COL24A1: variants seen among roughly 807,000 people sequenced by gnomAD.
COL24A1 encodes collagen alpha-1(XXIV) chain.
A neutral mutation model predicts 253.9 loss-of-function variants in COL24A1; 224 were observed. The ratio of observed to expected loss-of-function variants is 0.88; its 90% confidence interval spans 0.79 to 0.99. The LOEUF (loss-of-function observed/expected upper bound fraction) is 0.99. Ranked by LOEUF, COL24A1 falls within the 50% of genes least tolerant of loss-of-function variation. The pLI is 0.00. For synonymous variants in COL24A1, 685 were observed against 673.7 expected, an observed-to-expected ratio of 1.02 and a Z score of -0.26; for missense variants, 2,131 against 2,068.5, an observed-to-expected ratio of 1.03 and a Z score of -0.59.
At position 86,037,699 on chromosome 1, in the gene COL24A1, T is replaced by C. The variant is rs639814; in HGVS notation, c.1951-3776A>G. On this transcript the variant is annotated intron_variant, in intron 12 of 59. Transcript: ENST00000370571. ...CTCAGTTAAGTAACACCTAGATTCC[T>C]GACCCATGAAAACTGCAAGATAATA... 9.7e-3 allele frequency among the ~76,000 whole-genome samples: 1,474 copies of C among 152,292 alleles called. 36 individuals are homozygous for C. The highest frequency in any genetic ancestry group is 0.033 in the African/African-American group (1,377 of 41,566).
intron 24 of COL24A1, among the ~76,000 whole-genome samples, chr1:85,944,789 C>T (rs898667693): frequency 8.6e-5 from 13 of 151,748 alleles, no homozygotes; most frequent in Non-Finnish European, 1.0e-4. Context: ...TGATGTTCCC[C>T]TTCCTGTGTC....
Position 86,022,563 on chromosome 1 carries a change from C to T in COL24A1, c.2177G>A (p.Gly726Glu). ...CTTGTCTCCAGGATACCCGGGTTCT[C>T]CTAGCTCTCCTGCTGTGCCTTGTTC... ...KGEQGTAGEL[G>E]EPGYPGDKGA... The change falls in exon 17 of 60, where the codon GGA becomes GAA. Residue 726 changes from glycine (G) to glutamate (E), a missense_variant. Gly to Glu is a moderately conservative substitution (Grantham distance 98). Transcript: ENST00000370571. The T allele has an allele frequency of 1.2e-6, 2 of 1,612,862 alleles. No homozygotes were observed. The highest frequency in any genetic ancestry group is 1.7e-6 in the Non-Finnish European group (2 of 1,179,432).
intron 47 of COL24A1, among the ~76,000 whole-genome samples, chr1:85,797,987 G>A (rs927139712): frequency 1.1e-4 from 17 of 152,062 alleles, no homozygotes; most frequent in Non-Finnish European, 5.9e-5. Flanking sequence ...GAGCTCAGGA[G>A]TTCAAGGCTA....
Position 85,971,369 on chromosome 1 carries a change from G to A in COL24A1, c.2389C>T (p.Pro797Ser), listed in dbSNP as rs973613196. ...GTTCCTTTGAGACCAGGAGGTCCAG[G>A]AGGTCCTCTATTTCCAAGGAGTCCC... is the stretch of plus-strand genomic sequence containing the variant. ...PKGLLGNRGP[P>S]GPPGLKGTQG... Residue 797 changes from proline (P) to serine (S), a missense_variant, in exon 21 of 60, where the codon CCT becomes TCT. Physicochemically the swap from Pro to Ser is moderately conservative, Grantham distance 74. Transcript: ENST00000370571. The A allele has an allele frequency of 6.2e-7, 1 of 1,612,644 alleles. No homozygotes were observed. Among genetic ancestry groups the A allele is most frequent in the Non-Finnish European group, 8.5e-7 (1 of 1,179,330 alleles).
chr1:85,799,442 AT>A (rs1671200497), intron 47 of COL24A1, among the ~76,000 whole-genome samples: 1 of 151,176 alleles, frequency 6.6e-6, no homozygotes, highest in Non-Finnish European at 1.5e-5. Flanking sequence ...GGTTGAAAAT[AT>A]TCCAAGGAAC....
intron 53 of COL24A1, among the ~76,000 whole-genome samples, chr1:85,766,194 C>T (rs887895245): frequency 2.6e-5 from 4 of 151,420 alleles, no homozygotes; most frequent in Non-Finnish European, 5.9e-5. Flanking sequence ...GGTGAAATCC[C>T]GTTTCTACAA....
At chr1:85,881,666 T>C (rs1426846319) in intron 32 of COL24A1, among the ~76,000 whole-genome samples, 1 of 152,148 alleles carries the variant, frequency 6.6e-6, no homozygotes, top group Non-Finnish European at 1.5e-5. Context: ...TTGCTCATAA[T>C]ATCCATTTAT....
intron 8 of COL24A1, among the ~76,000 whole-genome samples, chr1:86,061,684 T>C (rs1701104370): frequency 6.6e-6 from 1 of 152,114 alleles, no homozygotes. Context: ...AAACGTATTC[T>C]GAGCCAACCA....
Position 85,805,584 on chromosome 1 carries a change from G to A in COL24A1, c.3951+11204C>T, listed in dbSNP as rs143942783. Among the ~76,000 whole-genome samples, 13 of 152,206 alleles carry A rather than the reference G, an allele frequency of 8.5e-5. No homozygotes were observed. The South Asian group carries it at 1.2e-3, about 15-fold the overall frequency. On this transcript the variant is annotated intron_variant, in intron 47 of 59. Transcript: ENST00000370571. ...TATGGAGTTTTAGACTGCCTTTGTC[G>A]TTATGTGACTGTAGAAATTACTTAA...
At chr1:85,998,775 C>T (rs1207191507) in intron 19 of COL24A1, among the ~76,000 whole-genome samples, 4 of 152,172 alleles carry the variant, frequency 2.6e-5, no homozygotes, top group South Asian at 4.1e-4. Context: ...AAGATTTAGG[C>T]TCCTTAAACT....
rs186316743 is a variant in COL24A1 at position 86,063,635 on chromosome 1, G to A, written c.1752+80C>T. ...CTGAGAAGAAAAATTGAAAAAATGG[G>A]GGAAAATAATCTCTCAAAGGAGTTC... On this transcript the variant is annotated intron_variant, in intron 8 of 59. Transcript: ENST00000370571. 1.1e-3 allele frequency: 1,109 copies of A among 1,028,158 alleles called. 8 individuals are homozygous for A. Among genetic ancestry groups the A allele is most frequent in the African/African-American group, 9.5e-3 (576 of 60,626 alleles). The allele number at this position is 1,028,158 out of a possible 1,614,324, so 63.7% of individuals were successfully genotyped here.
chr1:85,838,264 A>T (rs2102216264), intron 43 of COL24A1, among the ~76,000 whole-genome samples: 1 of 152,312 alleles, frequency 6.6e-6, no homozygotes, highest in Non-Finnish European at 1.5e-5. Context: ...AAGTGACAAG[A>T]TAATATAGCA....
At chr1:85,896,119 CTATGCTAGCA>C in intron 29 of COL24A1, 54 bp from the exon 30 acceptor site, 1 of 1,563,838 alleles carries the variant, frequency 6.4e-7, no homozygotes, top group Non-Finnish European at 8.7e-7. Context: ...TATGGTCTTA[CTATGCTAGCA>C]TATGCTAGCA....
intron 12 of COL24A1, among the ~76,000 whole-genome samples, chr1:86,042,245 C>T (rs1046411165): frequency 1.3e-5 from 2 of 151,890 alleles, no homozygotes; most frequent in African/African-American, 4.8e-5. Context: ...TTTCGAATGC[C>T]AACAGTATAA....
chr1:86,116,353 C>G (rs2102193419), intron 3 of COL24A1, among the ~76,000 whole-genome samples: 1 of 152,228 alleles, frequency 6.6e-6, no homozygotes, highest in East Asian at 1.9e-4. Context: ...ACCTAATGTG[C>G]TTTATTTTTC....
intron 47 of COL24A1, among the ~76,000 whole-genome samples, chr1:85,794,914 G>A (rs1478970336): frequency 1.3e-5 from 2 of 152,056 alleles, no homozygotes; most frequent in Admixed American, 6.6e-5. Flanking sequence ...TCTCCCTACC[G>A]AAATAAGTTT....
intron 59 of COL24A1, 126 bp from the exon 60 acceptor site, chr1:85,730,818 A>T: frequency 1.1e-6 from 1 of 896,622 alleles, no homozygotes; most frequent in Non-Finnish European, 1.7e-6. Flanking sequence ...AAGTGCCTAG[A>T]ACAATGCTCA....
At chr1:86,150,056 C>T (rs1652533416) in intron 1 of COL24A1, among the ~76,000 whole-genome samples, 1 of 152,166 alleles carries the variant, frequency 6.6e-6, no homozygotes, top group African/African-American at 2.4e-5. Flanking sequence ...CCTGATATCT[C>T]CAAAGTTCCA....
intron 51 of COL24A1, among the ~76,000 whole-genome samples, chr1:85,782,043 A>G (rs899707637): frequency 2.0e-5 from 3 of 152,194 alleles, no homozygotes; most frequent in Non-Finnish European, 2.9e-5. Flanking sequence ...GTCTTTAAAC[A>G]ATTACCATGA....
Sources: gnomAD v4.1 joint callset for allele counts (sites outside exome capture counted in the v4.1 genomes callset) on GRCh38, gnomAD v4.1.1 for gene constraint, MANE v1.5 for transcripts, NCBI Gene and HGNC (gene_info 2026-07-23, HGNC 2026-07-21) for gene names.